The following CCDC92B variants were observed in gnomAD, a reference collection of about 807,000 sequenced individuals.
The protein encoded by CCDC92B is coiled-coil domain containing 92B.
A neutral mutation model predicts 5.6 loss-of-function variants in CCDC92B; 2 were observed. The observed-to-expected ratio is 0.36, with a 90% confidence interval of 0.15 to 1.12. CCDC92B has a LOEUF of 1.12. Ranked by LOEUF, CCDC92B falls within the 50% of genes most tolerant of loss-of-function variation. The pLI is 0.40. For missense variants in CCDC92B, 271 were observed against 262.2 expected (o/e 1.03, Z -0.23); for synonymous variants, 115 against 122.3 (o/e 0.94, Z 0.39).
chr17:2,745,330 C>T (rs1466725040), intron 1 of CCDC92B, among the ~76,000 whole-genome samples: 2 of 151,988 alleles, frequency 1.3e-5, no homozygotes, highest in East Asian at 1.9e-4. Context: ...AAGAGAGAAA[C>T]GTCTGTTCCC....
At chr17:2,725,450 C>T (rs934668506) in intron 3 of CCDC92B, among the ~76,000 whole-genome samples, 1 of 151,762 alleles carries the variant, frequency 6.6e-6, no homozygotes, top group Non-Finnish European at 1.5e-5. Flanking sequence ...CACGTCCTAC[C>T]GCGCTCCCCC....
At chr17:2,726,404 G>A (rs966025934) in intron 3 of CCDC92B, among the ~76,000 whole-genome samples, 1 of 150,806 alleles carries the variant, frequency 6.6e-6, no homozygotes, top group African/African-American at 2.4e-5. Context: ...GGATGGTTTC[G>A]ATCTCCTGAC....
intron 3 of CCDC92B, among the ~76,000 whole-genome samples, chr17:2,729,953 C>T (rs1027757363): frequency 6.6e-6 from 1 of 152,140 alleles, no homozygotes; most frequent in Non-Finnish European, 1.5e-5. Context: ...TGACATGCAT[C>T]TTGACACTCG....
intron 2 of CCDC92B, among the ~76,000 whole-genome samples, chr17:2,730,884 C>T (rs1209790012): frequency 2.0e-5 from 3 of 152,150 alleles, no homozygotes; most frequent in African/African-American, 4.8e-5. Context: ...GGACCCTTGC[C>T]GTGCAGGGCT....
chr17:2,736,179 A>G (rs1298084996), intron 1 of CCDC92B, among the ~76,000 whole-genome samples: 1 of 152,122 alleles, frequency 6.6e-6, no homozygotes, highest in Non-Finnish European at 1.5e-5. Flanking sequence ...CAGTAATCCC[A>G]GCACTTTGGG....
intron 3 of CCDC92B, 72 bp from the exon 4 acceptor site, chr17:2,725,072 C>G (rs2070710478): frequency 6.1e-6 from 6 of 984,120 alleles, no homozygotes; most frequent in Non-Finnish European, 7.2e-6. Flanking sequence ...GCTCAGAGCT[C>G]CGTGTAACAA....
intron 2 of CCDC92B, among the ~76,000 whole-genome samples, chr17:2,733,838 A>C (rs1172853557): frequency 7.5e-6 from 1 of 132,526 alleles, no homozygotes; most frequent in Non-Finnish European, 1.5e-5. Context: ...GGCTCACCAC[A>C]ACCTCTGCCT....
intron 3 of CCDC92B, among the ~76,000 whole-genome samples, chr17:2,727,823 C>CAAA (rs11456542): frequency 3.4e-5 from 4 of 118,618 alleles, no homozygotes; most frequent in Non-Finnish European, 5.1e-5. Context: ...GACTCCGTCT[C>CAAA]AAAAAAAAAA....
chr17:2,725,471 C>T (rs1231530894), intron 3 of CCDC92B, among the ~76,000 whole-genome samples: 1 of 151,830 alleles, frequency 6.6e-6, no homozygotes, highest in African/African-American at 2.4e-5. Flanking sequence ...TCCTTCCCCA[C>T]GCGTCGGCTC....
At chr17:2,732,627 G>C (rs979700982) in intron 2 of CCDC92B, among the ~76,000 whole-genome samples, 1 of 152,108 alleles carries the variant, frequency 6.6e-6, no homozygotes, top group Non-Finnish European at 1.5e-5. Flanking sequence ...TGAGGCAGGA[G>C]AATTGCTTGA....
chr17:2,731,810 C>A (rs1007073437), intron 2 of CCDC92B, among the ~76,000 whole-genome samples: 3 of 152,250 alleles, frequency 2.0e-5, no homozygotes, highest in Non-Finnish European at 4.4e-5. Context: ...AGCCCAGGGA[C>A]CTTGGCCTAG....
At chr17:2,738,780 G>A (rs6502492) in intron 1 of CCDC92B, among the ~76,000 whole-genome samples, 3,721 of 145,206 alleles carry the variant, frequency 0.026, 174 homozygotes, top group African/African-American at 0.091. Flanking sequence ...AAAGAAAAAA[G>A]AAATGTAAGG....
intron 2 of CCDC92B, 99 bp from the exon 3 acceptor site, chr17:2,730,592 G>A (rs1382475964): frequency 1.8e-6 from 1 of 541,676 alleles, no homozygotes; most frequent in African/African-American, 2.4e-5. Context: ...AGAGATCATG[G>A]AATTACAGCT....
chr17:2,732,425 A>G (rs2070803755), intron 2 of CCDC92B, among the ~76,000 whole-genome samples: 1 of 152,004 alleles, frequency 6.6e-6, no homozygotes, highest in Non-Finnish European at 1.5e-5. Flanking sequence ...CTCCTTAATA[A>G]CCTAGAGGTG....
chr17:2,728,590 G>A (rs564085270), intron 3 of CCDC92B, among the ~76,000 whole-genome samples: 13 of 145,156 alleles, frequency 9.0e-5, no homozygotes, highest in South Asian at 6.6e-4. Context: ...GCGACAGAGC[G>A]AGACTCCGTC....
chr17:2,727,766 G>GT (rs1290444552), intron 3 of CCDC92B, among the ~76,000 whole-genome samples: 1 of 151,628 alleles, frequency 6.6e-6, no homozygotes, highest in Non-Finnish European at 1.5e-5. Flanking sequence ...GGAGGTTGCA[G>GT]TGAGCTGAGA....
intron 3 of CCDC92B, among the ~76,000 whole-genome samples, chr17:2,725,437 C>T (rs899112458): frequency 4.6e-5 from 7 of 151,930 alleles, no homozygotes; most frequent in Admixed American, 1.3e-4. Context: ...ACGTCCCCAC[C>T]TGCACGTCCT....
intron 1 of CCDC92B, among the ~76,000 whole-genome samples, chr17:2,744,191 T>A (rs1032760614): frequency 1.3e-4 from 20 of 149,112 alleles, no homozygotes; most frequent in African/African-American, 2.3e-4. Context: ...TAAATTTTTT[T>A]TTTTCATTTT....
chr17:2,730,312 C>T (rs2070777742), intron 3 of CCDC92B, 134 bp downstream of exon 3: 2 of 336,512 alleles, frequency 5.9e-6, no homozygotes, highest in Non-Finnish European at 8.4e-6. Flanking sequence ...ATCCTGCACT[C>T]TGCTCACCAG....
Sources: gnomAD v4.1 joint callset for allele counts (sites outside exome capture counted in the v4.1 genomes callset) on GRCh38, gnomAD v4.1.1 for gene constraint, MANE v1.5 for transcripts, NCBI Gene and HGNC (gene_info 2026-07-23, HGNC 2026-07-21) for gene names.